The following STEAP3 variants were observed in gnomAD, a reference collection of about 807,000 sequenced individuals.
STEAP3 encodes the protein metalloreductase STEAP3.
In STEAP3, 35 loss-of-function variants were observed where a neutral mutation model predicts 34.9. The observed-to-expected ratio is 1.00, with a 90% CI of 0.76 to 1.33. The LOEUF (loss-of-function observed/expected upper bound fraction) is 1.33, where lower values mean the gene tolerates loss of function less well. Ranked by LOEUF, STEAP3 falls within the 40% of genes most tolerant of loss-of-function variation. The pLI is 0.00. For synonymous variants in STEAP3, 281 were observed against 301.6 expected (o/e 0.93, Z 0.71); for missense variants, 652 against 667.6 (o/e 0.98, Z 0.26).
chr2:119,225,877 C>A (rs991750605), intron 1 of STEAP3, among the ~76,000 whole-genome samples: 1 of 152,196 alleles, frequency 6.6e-6, no homozygotes, highest in Non-Finnish European at 1.5e-5. Context: ...AACAAGTATG[C>A]CTATTTGGGG....
chr2:119,257,293 G>T (rs1467532206), intron 5 of STEAP3, among the ~76,000 whole-genome samples: 2 of 152,212 alleles, frequency 1.3e-5, no homozygotes, highest in Admixed American at 6.5e-5. Context: ...GTAAAACATG[G>T]TTCTTACTGT....
At chr2:119,225,785 C>T (rs562753855) in intron 1 of STEAP3, among the ~76,000 whole-genome samples, 5 of 152,216 alleles carry the variant, frequency 3.3e-5, no homozygotes, top group East Asian at 1.9e-4. Flanking sequence ...CTCCTTACCC[C>T]GTAACATGAA....
chr2:119,240,363 C>A (rs1256795455), intron 2 of STEAP3, among the ~76,000 whole-genome samples: 1 of 152,272 alleles, frequency 6.6e-6, no homozygotes, highest in Non-Finnish European at 1.5e-5. Context: ...AGGCCGCCCC[C>A]ACTCCATCTG....
rs75749204 is a variant in STEAP3 at position 119,256,057 on chromosome 2, C to T, written c.1215+1209C>T. Among the ~76,000 whole-genome samples, 20 of 152,346 alleles carry T rather than the reference C, an allele frequency of 1.3e-4. No individual in the cohort carries two copies. The East Asian group carries it at 3.1e-3, about 24-fold the overall frequency. Reference sequence around the variant, plus strand: ...GGGAGCTGACTAATGCTGTATCCTGCCATTGTAACAGGGCAGAGAACAGCC... The same window carrying T: ...GGGAGCTGACTAATGCTGTATCCTGTCATTGTAACAGGGCAGAGAACAGCC... On this transcript the variant is annotated intron_variant, in intron 5 of 5. Transcript: ENST00000393110.
At chr2:119,259,063 G>A (rs971874694) in intron 5 of STEAP3, among the ~76,000 whole-genome samples, 1 of 150,000 alleles carries the variant, frequency 6.7e-6, no homozygotes, top group Non-Finnish European at 1.5e-5. Context: ...GAAAAATGAG[G>A]GTTCAGCTTT....
intron 2 of STEAP3, among the ~76,000 whole-genome samples, chr2:119,236,576 A>G (rs1307113275): frequency 6.6e-6 from 1 of 152,178 alleles, no homozygotes; most frequent in East Asian, 1.9e-4. Flanking sequence ...TTGTGGCTTC[A>G]GCTGTGTTAT....
At chr2:119,251,880 T>A (rs1677637938) in intron 4 of STEAP3, among the ~76,000 whole-genome samples, 1 of 152,212 alleles carries the variant, frequency 6.6e-6, no homozygotes, top group Non-Finnish European at 1.5e-5. Context: ...CCCCAGACTA[T>A]CCCCTTACTT....
At chr2:119,254,982 C>T in intron 5 of STEAP3, 134 bp downstream of exon 5, 1 of 1,150,108 alleles carries the variant, frequency 8.7e-7, no homozygotes, top group Non-Finnish European at 1.2e-6. Flanking sequence ...AGATGCCAGG[C>T]CTTCCTGACC....
chr2:119,253,058 G>A (rs1677672145), intron 4 of STEAP3, among the ~76,000 whole-genome samples: 1 of 152,204 alleles, frequency 6.6e-6, no homozygotes, highest in Non-Finnish European at 1.5e-5. Context: ...TCTGGGCAGA[G>A]GTACGGAGGA....
chr2:119,245,817 G>C lies in STEAP3; in HGVS notation c.351G>C (p.Ala117=), dbSNP rs374403064. The change falls in exon 3 of 6, where the codon GCG becomes GCC. Residue 117 remains alanine, a synonymous_variant. Coordinates refer to ENST00000393110, the MANE Select transcript of STEAP3 (RefSeq NM_182915.3). ...SSLCSLSDQL[A]GKILVDVSNP... ...TGTGCAGTCTCAGTGACCAGCTGGCGGGCAAGATCCTGGTGGATGTGAGCA... is the reference window on the plus strand; with the variant it reads ...TGTGCAGTCTCAGTGACCAGCTGGCCGGCAAGATCCTGGTGGATGTGAGCA... The C allele has an allele frequency of 1.7e-5, 28 of 1,614,086 alleles. No individual in the cohort carries two copies. The highest frequency in any genetic ancestry group is 2.3e-5 in the Non-Finnish European group (27 of 1,180,052).
Position 119,245,975 on chromosome 2 carries a change from A to T in STEAP3, c.509A>T (p.Asp170Val). 1 of 1,612,516 alleles carries T rather than the reference A, an allele frequency of 6.2e-7. No homozygotes were observed. The highest frequency in any genetic ancestry group is 8.5e-7 in the Non-Finnish European group (1 of 1,179,208). The change falls in exon 3 of 6, where the codon GAT becomes GTT. Residue 170 changes from aspartate to valine, a missense_variant. By Grantham distance (152) the Asp-to-Val change is radical. Transcript: ENST00000393110. ...SAWTLQAGPR[D>V]GNRQVPICGD... is the part of the protein sequence containing the mutation. ...TGGACCCTGCAGGCTGGCCCAAGGG[A>T]TGGTAACAGGCAGGTAGGTTCTGGG...
At chr2:119,252,376 C>A (rs1329415190) in intron 4 of STEAP3, among the ~76,000 whole-genome samples, 1 of 152,230 alleles carries the variant, frequency 6.6e-6, no homozygotes, top group Non-Finnish European at 1.5e-5. Flanking sequence ...CCCTTCCACA[C>A]CCTGCCACCC....
At position 119,263,459 on chromosome 2, in the gene STEAP3, C is replaced by A; in HGVS notation, c.*121C>A. 7.3e-7 allele frequency: 1 copy of A among 1,367,394 alleles called. No homozygotes were observed. The highest frequency in any genetic ancestry group is 1.0e-6 in the Non-Finnish European group (1 of 992,286). The allele number at this position is 1,367,394 out of a possible 1,614,324, so 84.7% of individuals were successfully genotyped here. Reference sequence around the variant, plus strand: ...GTGTGCAAATAGGAGGTTTGAGGTCCAAATTCCTGGGACTCAAATGTATGC... The same window carrying A: ...GTGTGCAAATAGGAGGTTTGAGGTCAAAATTCCTGGGACTCAAATGTATGC... On this transcript the variant is annotated 3_prime_UTR_variant, in exon 6 of 6. Transcript: ENST00000393110.
At chr2:119,260,479 G>A (rs895818128) in intron 5 of STEAP3, among the ~76,000 whole-genome samples, 8 of 152,006 alleles carry the variant, frequency 5.3e-5, no homozygotes, top group African/African-American at 1.7e-4. Flanking sequence ...TAGTAGAGAC[G>A]GGGACGGGGT....
chr2:119,228,016 G>C (rs1469175345), intron 1 of STEAP3, among the ~76,000 whole-genome samples: 1 of 152,054 alleles, frequency 6.6e-6, no homozygotes, highest in Non-Finnish European at 1.5e-5. Flanking sequence ...TATTAGTAGA[G>C]ATGGGGTTTT....
Position 119,242,758 on chromosome 2 carries a change from T to C in STEAP3, c.23-2731T>C, listed in dbSNP as rs191159531. 1.5e-3 allele frequency among the ~76,000 whole-genome samples: 225 copies of C among 152,322 alleles called. 2 individuals carry two copies. Among genetic ancestry groups the C allele is most frequent in the African/African-American group, 5.2e-3 (217 of 41,572 alleles). ...GGGAAGTGCTGCCATGGTCTCCCTT[T>C]TATAGCTGAGAAAACTGAGGCACAG... On this transcript the variant is annotated intron_variant, in intron 2 of 5. Transcript: ENST00000393110.
At chr2:119,231,159 G>A in intron 2 of STEAP3, 125 bp downstream of exon 2, 1 of 1,260,402 alleles carries the variant, frequency 7.9e-7, no homozygotes, top group African/African-American at 1.5e-5. Flanking sequence ...GGAGGTCCGA[G>A]GAACTCGACA....
rs1012347432 is a variant in STEAP3 at position 119,260,312 on chromosome 2, T to C, written c.1216-2745T>C. ...TTGACTTCAAGACTTACTCTTTTTT[T>C]TTTTTTTCTTTTTTTTTGAGACGGA... On this transcript the variant is annotated intron_variant, in intron 5 of 5. Coordinates refer to ENST00000393110, the MANE Select transcript of STEAP3 (RefSeq NM_182915.3). Among the ~76,000 whole-genome samples, 6 of 122,166 alleles carry C rather than the reference T, an allele frequency of 4.9e-5. No homozygotes were observed. In the East Asian group the frequency reaches 1.3e-3, roughly 27 times the overall value. The allele number at this position is 122,166 out of a possible 152,430, so 80.1% of individuals were successfully genotyped here. A position where few individuals can be genotyped will look rare whatever the true frequency, so the allele number is the denominator to read the frequency against.
intron 2 of STEAP3, among the ~76,000 whole-genome samples, chr2:119,237,067 G>A (rs1677112651): frequency 6.6e-6 from 1 of 152,358 alleles, no homozygotes; most frequent in South Asian, 2.1e-4. Context: ...CAGAGCCACT[G>A]TGCTAGTGTG....
Sources: allele counts gnomAD v4.1 joint callset (sites outside exome capture counted in the v4.1 genomes callset), GRCh38; gene constraint gnomAD v4.1.1; transcripts MANE v1.5; gene names NCBI Gene and HGNC (gene_info 2026-07-23, HGNC 2026-07-21).